The following MED13L variants were observed in gnomAD, a reference collection of about 807,000 sequenced individuals.
MED13L encodes mediator complex subunit 13L.
In MED13L, 7 loss-of-function variants were observed where a neutral mutation model predicts 220.9. The ratio of observed to expected loss-of-function variants is 0.03; its 90% CI spans 0.02 to 0.06. MED13L has a LOEUF of 0.06. MED13L is among the 10% of genes least tolerant of loss of function. The probability of loss-of-function intolerance (pLI) is 1.00; values close to 1 mark genes in which losing one functional copy is unlikely to be tolerated. For synonymous variants in MED13L, 1,011 were observed against 1,015.2 expected (o/e 1.00, Z 0.08); for missense variants, 1,965 against 2,760.5 (o/e 0.71, Z 6.46).
chr12:116,236,795 G>C (rs1870124098), intron 2 of MED13L: 1 of 949,916 alleles, frequency 1.1e-6, no homozygotes, highest in African/African-American at 1.8e-5. Context: ...AATATATAAA[G>C]CAGCACAGAA....
chr12:116,081,311 T>C (rs1871226759), intron 4 of MED13L, among the ~76,000 whole-genome samples: 1 of 152,258 alleles, frequency 6.6e-6, no homozygotes, highest in African/African-American at 2.4e-5. Context: ...TTGTTTCGTA[T>C]TTGCATTACG....
intron 3 of MED13L, among the ~76,000 whole-genome samples, chr12:116,108,423 C>T (rs1423637495): frequency 2.1e-5 from 3 of 144,480 alleles, no homozygotes; most frequent in African/African-American, 5.3e-5. Context: ...TGGGGGTGAG[C>T]TGTGCGTAAT....
intron 2 of MED13L, 60 bp from the exon 3 acceptor site, chr12:116,111,572 A>C (rs1593057160): frequency 1.5e-6 from 2 of 1,336,254 alleles, no homozygotes; most frequent in East Asian, 2.3e-5. Flanking sequence ...CCAAATAAAA[A>C]GAAACTTTTA....
intron 2 of MED13L, among the ~76,000 whole-genome samples, chr12:116,144,673 C>A (rs192067269): frequency 2.6e-5 from 4 of 152,110 alleles, no homozygotes; most frequent in African/African-American, 7.2e-5. Flanking sequence ...TGAGATAACA[C>A]GTAAAGGTGC....
chr12:115,984,220 G>A lies in MED13L; in HGVS notation c.4491C>T (p.Ser1497=). ...PWSGEENDNH[S]RLKLYAQVCR... is the part of the protein sequence containing the mutation. ...AAACTTGCGCATAAAGTTTGAGTCT[G>A]GAATGATTGTCATTCTCCTCGCCGC... The change falls in exon 20 of 31, where the codon TCC becomes TCT. Residue 1497 remains serine, a synonymous_variant. Coordinates refer to ENST00000281928, the MANE Select transcript of MED13L (RefSeq NM_015335.5). 1 of 1,613,886 alleles carries A rather than the reference G, an allele frequency of 6.2e-7. No homozygotes were observed. Among genetic ancestry groups the A allele is most frequent in the Non-Finnish European group, 8.5e-7 (1 of 1,179,946 alleles).
At chr12:116,255,863 T>G (rs940795828) in intron 1 of MED13L, among the ~76,000 whole-genome samples, 5 of 152,198 alleles carry the variant, frequency 3.3e-5, no homozygotes, top group African/African-American at 1.2e-4. Context: ...AATCAAAACT[T>G]TTTGCATGCC....
chr12:116,213,660 A>G (rs1293784370), intron 2 of MED13L, among the ~76,000 whole-genome samples: 1 of 152,068 alleles, frequency 6.6e-6, no homozygotes, highest in Admixed American at 6.6e-5. Flanking sequence ...TGATCCACCC[A>G]CCTCGGACTC....
chr12:116,209,342 C>T (rs887266770), intron 2 of MED13L, among the ~76,000 whole-genome samples: 21 of 152,262 alleles, frequency 1.4e-4, no homozygotes, highest in Middle Eastern at 3.4e-3. Flanking sequence ...AAAGAATTTC[C>T]ACTTTGGATT....
At chr12:116,182,221 C>A (rs1880577759) in intron 2 of MED13L, among the ~76,000 whole-genome samples, 1 of 152,156 alleles carries the variant, frequency 6.6e-6, no homozygotes, top group African/African-American at 2.4e-5. Flanking sequence ...TAGAAAAAAA[C>A]CCAAACCCAT....
chr12:116,148,074 A>AAAAAAAGG (rs1377801971), intron 2 of MED13L, among the ~76,000 whole-genome samples: 2 of 98,336 alleles, frequency 2.0e-5, no homozygotes, highest in African/African-American at 7.8e-5. Flanking sequence ...AAAAAAAAAA[A>AAAAAAAGG]GAGGGGGGCG....
intron 1 of MED13L, among the ~76,000 whole-genome samples, chr12:116,254,057 T>C (rs968392779): frequency 2.0e-5 from 3 of 151,854 alleles, no homozygotes; most frequent in African/African-American, 7.3e-5. Context: ...CCAGCCACTT[T>C]CACGGTATTT....
chr12:116,063,347 CTAAAAA>C (rs892019317), intron 4 of MED13L, among the ~76,000 whole-genome samples: 3 of 152,030 alleles, frequency 2.0e-5, no homozygotes, highest in African/African-American at 7.2e-5. Context: ...CTCCTTTCCA[CTAAAAA>C]TAAAAATAAA....
intron 1 of MED13L, among the ~76,000 whole-genome samples, chr12:116,260,871 G>C (rs985675103): frequency 2.6e-5 from 4 of 152,212 alleles, no homozygotes; most frequent in Non-Finnish European, 4.4e-5. Flanking sequence ...CAGATCTGCA[G>C]TAGGAAAATG....
intron 2 of MED13L, among the ~76,000 whole-genome samples, chr12:116,220,920 C>G (rs895419636): frequency 6.6e-6 from 1 of 152,148 alleles, no homozygotes; most frequent in Admixed American, 6.5e-5. Context: ...GAATATACTA[C>G]TGAACTCAAA....
intron 2 of MED13L, among the ~76,000 whole-genome samples, chr12:116,127,293 A>T (rs1875675367): frequency 6.6e-6 from 1 of 152,194 alleles, no homozygotes; most frequent in Non-Finnish European, 1.5e-5. Flanking sequence ...CTCATAATTT[A>T]AAAACATTTT....
chr12:115,996,403 T>C, intron 16 of MED13L, 73 bp downstream of exon 16: 1 of 1,547,950 alleles, frequency 6.5e-7, no homozygotes. Flanking sequence ...TTGTCATCAT[T>C]TTTAACAAAC....
intron 2 of MED13L, among the ~76,000 whole-genome samples, chr12:116,208,120 C>T (rs374368218): frequency 3.4e-4 from 52 of 152,158 alleles, no homozygotes; most frequent in Admixed American, 2.6e-4. Context: ...ACAGGCTGGA[C>T]GCAGTGGCTC....
At chr12:116,013,546 TA>T (rs983224809) in intron 8 of MED13L, among the ~76,000 whole-genome samples, 3 of 151,476 alleles carry the variant, frequency 2.0e-5, no homozygotes, top group South Asian at 2.1e-4. Context: ...TTCCAAAATC[TA>T]AAAAAAAATC....
At chr12:116,081,604 C>A (rs982063340) in intron 4 of MED13L, among the ~76,000 whole-genome samples, 2 of 152,198 alleles carry the variant, frequency 1.3e-5, no homozygotes, top group South Asian at 4.1e-4. Context: ...TATATTCAGG[C>A]TGGGCACAGT....
Sources: allele counts gnomAD v4.1 joint callset (sites outside exome capture counted in the v4.1 genomes callset), GRCh38; gene constraint gnomAD v4.1.1; transcripts MANE v1.5; gene names NCBI Gene and HGNC (gene_info 2026-07-23, HGNC 2026-07-21).